TOP1MT: variants seen among roughly 807,000 people sequenced by gnomAD.
TOP1MT encodes the protein DNA topoisomerase I mitochondrial.
Under a neutral mutation model 73.9 loss-of-function variants are expected in TOP1MT, and 80 were observed. The observed-to-expected ratio is 1.08, with a 90% CI of 0.90 to 1.30. The LOEUF is 1.30. TOP1MT is among the 50% of genes most tolerant of loss of function. The probability of loss-of-function intolerance (pLI) is 0.00; values close to 1 mark genes in which losing one functional copy is unlikely to be tolerated. For synonymous variants in TOP1MT, 338 were observed against 326.4 expected (o/e 1.04, Z -0.38); for missense variants, 815 against 808.0 (o/e 1.01, Z -0.10).
At chr8:143,343,192 A>G in intron 2 of TOP1MT, 1 of 456,326 alleles carries the variant, frequency 2.2e-6, no homozygotes, top group Non-Finnish European at 4.4e-6. Context: ...TCATGTTCAC[A>G]CATTCATTTC....
upstream of TOP1MT, among the ~76,000 whole-genome samples, chr8:143,336,529 G>A (rs1015425784): frequency 6.6e-6 from 1 of 152,128 alleles, no homozygotes; most frequent in Admixed American, 6.6e-5. Context: ...AGAATAAGAC[G>A]AGGATGTCCA....
Position 143,318,044 on chromosome 8 carries a change from G to C in TOP1MT, c.1189C>G (p.Arg397Gly), listed in dbSNP as rs371289275. The C allele has an allele frequency of 3.1e-6, 5 of 1,613,946 alleles. No homozygotes were observed. In the Admixed American group the frequency reaches 8.3e-5, roughly 27 times the overall value. ...GTCAGCCTGTCGAAGAGGTCGTCCCGGGGGTCCTTGTTCTCCATAAAGAGC... is the reference window on the plus strand; with the variant it reads ...GTCAGCCTGTCGAAGAGGTCGTCCCCGGGGTCCTTGTTCTCCATAAAGAGC... Reference protein sequence around the residue: ...LQLFMENKDPRDDLFDRLTTT... With the variant: ...LQLFMENKDPGDDLFDRLTTT... The change falls in exon 9 of 14, where the codon CGG becomes GGG. Residue 397 changes from arginine to glycine, a missense_variant. Arg to Gly is a moderately radical substitution (Grantham distance 125). Around this residue, in one of 3 missense-constraint regions of TOP1MT, gnomAD observed 751 missense variants for 725.4 expected, o/e 1.04. Coordinates refer to ENST00000329245, the MANE Select transcript of TOP1MT (RefSeq NM_052963.3).
In TOP1MT at chr8:143,315,375, C is replaced by T. The variant is rs527892920; in HGVS notation, c.1553+352G>A. Among the ~76,000 whole-genome samples, 33 of 152,306 alleles carry T rather than the reference C, an allele frequency of 2.2e-4. 1 individual carries two copies. In the South Asian group the frequency reaches 6.8e-3, roughly 32 times the overall value. Reference sequence around the variant, plus strand: ...TAAACTGTTCTCTCTCTCTCTGCCTCGGCTGCCAAACAGGGAAGGGCCCCG... The same window carrying T: ...TAAACTGTTCTCTCTCTCTCTGCCTTGGCTGCCAAACAGGGAAGGGCCCCG... On this transcript the variant is annotated intron_variant, in intron 12 of 13. Transcript: ENST00000329245.
At chr8:143,347,039 C>T (rs1817234762), upstream of TOP1MT, among the ~76,000 whole-genome samples, 1 of 151,578 alleles carries the variant, frequency 6.6e-6, no homozygotes, top group Non-Finnish European at 1.5e-5. Flanking sequence ...GGCTGGAGTG[C>T]AGTGGTGTGA....
upstream of TOP1MT, chr8:143,345,070 A>G (rs959361248): frequency 8.5e-5 from 13 of 152,288 alleles, no homozygotes; most frequent in Admixed American, 3.3e-4. Context: ...CTCATTCTCT[A>G]CCTCATCCCA....
intron 3 of TOP1MT, chr8:143,327,720 C>A: frequency 2.4e-6 from 1 of 417,214 alleles, no homozygotes; most frequent in South Asian, 1.7e-5. Flanking sequence ...GCAGCTGGTG[C>A]CACCTCACAA....
chr8:143,349,367 G>A (rs184854571), upstream of TOP1MT, among the ~76,000 whole-genome samples: 3 of 126,080 alleles, frequency 2.4e-5, no homozygotes, highest in East Asian at 2.4e-4. Context: ...CCTTACAACC[G>A]GGTGTACCTA....
Position 143,325,343 on chromosome 8 carries a change from C to T in TOP1MT, c.671+3G>A. On this transcript the variant is annotated splice_donor_region_variant and intron_variant, in intron 5 of 13. Transcript: ENST00000329245. ...CCCGCCTGCTGCCCGCCCGGCCACGCACCTGCTGCAGTTGATAACCACATC... is the reference window on the plus strand; with the variant it reads ...CCCGCCTGCTGCCCGCCCGGCCACGTACCTGCTGCAGTTGATAACCACATC... The T allele has an allele frequency of 6.3e-7, 1 of 1,584,270 alleles. No homozygotes were observed. The highest frequency in any genetic ancestry group is 1.3e-5 in the African/African-American group (1 of 74,508).
chr8:143,333,473 T>C (rs1371170686), intron 1 of TOP1MT, among the ~76,000 whole-genome samples: 1 of 152,040 alleles, frequency 6.6e-6, no homozygotes, highest in Non-Finnish European at 1.5e-5. Flanking sequence ...AAAATAAAAA[T>C]AAAGAACTGA....
At chr8:143,329,683 C>T (rs1389220645) in intron 2 of TOP1MT, among the ~76,000 whole-genome samples, 5 of 152,128 alleles carry the variant, frequency 3.3e-5, no homozygotes, top group Admixed American at 1.3e-4. Flanking sequence ...GGGAGCGGGT[C>T]GTGAGAAAGC....
intron 12 of TOP1MT, among the ~76,000 whole-genome samples, chr8:143,312,309 C>A (rs1385798060): frequency 6.6e-6 from 1 of 152,066 alleles, no homozygotes; most frequent in Non-Finnish European, 1.5e-5. Flanking sequence ...AATACAGATG[C>A]AAAAACCTCA....
chr8:143,315,619 T>C (rs1816136199), intron 12 of TOP1MT, 108 bp downstream of exon 12: 1 of 728,348 alleles, frequency 1.4e-6, no homozygotes, highest in African/African-American at 1.9e-5. Context: ...ATCTCTCGTC[T>C]CCGCACAAGG....
At chr8:143,312,529 AG>A (rs1816040646) in intron 12 of TOP1MT, among the ~76,000 whole-genome samples, 1 of 150,168 alleles carries the variant, frequency 6.7e-6, no homozygotes, top group Admixed American at 6.7e-5. Flanking sequence ...TAAAAAAAAA[AG>A]AACCTCAACA....
At chr8:143,329,658 C>T (rs552968260) in intron 2 of TOP1MT, among the ~76,000 whole-genome samples, 187 bp from the exon 3 acceptor site, 30 of 152,290 alleles carry the variant, frequency 2.0e-4, no homozygotes, top group Middle Eastern at 6.8e-3. Flanking sequence ...GTGGAGGTGG[C>T]GACCACAGTG....
chr8:143,316,193 C>T lies in TOP1MT; in HGVS notation c.1331-67G>A, dbSNP rs536153370. The T allele has an allele frequency of 6.9e-5, 111 of 1,608,686 alleles. No homozygotes were observed. In the African/African-American group the frequency reaches 1.3e-3, roughly 19 times the overall value. On this transcript the variant is annotated intron_variant, in intron 10 of 13. Coordinates refer to ENST00000329245, the MANE Select transcript of TOP1MT (RefSeq NM_052963.3). ...GCCACCCTCCCTGTCTGCCCTGAGC[C>T]GGCCTTAACGCGCCACACAGCGCAG...
At chr8:143,328,393 A>G in intron 3 of TOP1MT, 1 of 410,672 alleles carries the variant, frequency 2.4e-6, no homozygotes, top group Non-Finnish European at 4.8e-6. Flanking sequence ...TAAATAGACA[A>G]AAGTTCACGA....
In TOP1MT at chr8:143,323,600, C is replaced by T. The variant is rs1015092598; in HGVS notation, c.960+399G>A. Among the ~76,000 whole-genome samples the T allele has an allele frequency of 7.4e-4, 49 of 66,464 alleles. 5 individuals are homozygous for T. The highest frequency in any genetic ancestry group is 1.8e-3 in the African/African-American group (47 of 26,098). 43.6% of individuals were successfully genotyped at this position (66,464 alleles called of 152,430 possible). A position where few individuals can be genotyped will look rare whatever the true frequency, so the allele number is the denominator to read the frequency against. Reference sequence around the variant, plus strand: ...CACACACAGGCACGCCACACACACACGCACGCCACACACACAGGCACGCCA... The same window carrying T: ...CACACACAGGCACGCCACACACACATGCACGCCACACACACAGGCACGCCA... On this transcript the variant is annotated intron_variant, in intron 7 of 13. Coordinates refer to ENST00000329245, the MANE Select transcript of TOP1MT (RefSeq NM_052963.3).
At chr8:143,332,613 A>G (rs1325431728) in intron 1 of TOP1MT, 3 of 1,264,600 alleles carry the variant, frequency 2.4e-6, no homozygotes. Flanking sequence ...TGAGAGGGGA[A>G]AGCATGTGCA....
upstream of TOP1MT, among the ~76,000 whole-genome samples, chr8:143,357,229 G>A (rs1817426412): frequency 6.6e-6 from 1 of 151,638 alleles, no homozygotes; most frequent in Non-Finnish European, 1.5e-5. Context: ...TAGGGAGATA[G>A]GGAGATCCCA....
Sources: gnomAD v4.1 joint callset for allele counts (sites outside exome capture counted in the v4.1 genomes callset) on GRCh38, gnomAD v4.1.1 for gene constraint, gnomAD v4.1.1 regional missense constraint, MANE v1.5 for transcripts, NCBI Gene and HGNC (gene_info 2026-07-23, HGNC 2026-07-21) for gene names.